Variants in DIP2A observed in about 807,000 individuals in gnomAD.
DIP2A encodes DIP2 acetate--CoA ligase A.
Under a neutral mutation model 177.4 loss-of-function variants are expected in DIP2A, and 85 were observed. The ratio of observed to expected loss-of-function variants is 0.48; its 90% CI spans 0.40 to 0.57. The LOEUF (loss-of-function observed/expected upper bound fraction) is 0.57, where lower values mean the gene tolerates loss of function less well. DIP2A is among the 20% of genes least tolerant of loss of function. DIP2A has a pLI of 0.00. For missense variants in DIP2A, 1,791 were observed against 2,100.2 expected (o/e 0.85, Z 2.88); for synonymous variants, 886 against 881.8 (o/e 1.00, Z -0.08).
chr21:46,556,183 C>T lies in DIP2A; in HGVS notation c.3498+92C>T, dbSNP rs2060461412. 2.9e-6 allele frequency: 4 copies of T among 1,395,264 alleles called. No homozygotes were observed. In the Admixed American group the frequency reaches 7.0e-5, roughly 24 times the overall value. 86.4% of individuals were successfully genotyped at this position (1,395,264 alleles called of 1,614,324 possible). ...CAGATGCAGATTTAAACTGACAGGT[C>T]CTTCTTATGCAAAGCACAAAGCAAC... On this transcript the variant is annotated intron_variant, in intron 29 of 37. Transcript: ENST00000417564. This position sits in a 1 kb window ranked among gnomAD's most constrained non-coding sequence, Gnocchi z 4.5.
intron 32 of DIP2A, chr21:46,559,246 A>G (rs969217029): frequency 2.0e-5 from 3 of 152,256 alleles, no homozygotes; most frequent in Admixed American, 2.0e-4. Flanking sequence ...TTCTTTCTAA[A>G]AACATCTTAA....
intron 1 of DIP2A, chr21:46,469,294 A>T (rs2055145985): frequency 6.6e-6 from 1 of 152,252 alleles, no homozygotes; most frequent in Admixed American, 6.5e-5. Flanking sequence ...AATCCTCTGT[A>T]AATGGATTCA....
chr21:46,580,625 T>A, the DIP2A span, among the ~76,000 whole-genome samples: 2 of 152,254 alleles, frequency 1.3e-5, no homozygotes, highest in African/African-American at 4.8e-5. Flanking sequence ...CAGGAGCTCC[T>A]GCAAGGCAGG....
chr21:46,470,587 A>G (rs2055275598), intron 1 of DIP2A, among the ~76,000 whole-genome samples: 1 of 151,972 alleles, frequency 6.6e-6, no homozygotes, highest in African/African-American at 2.4e-5. Context: ...CCTGACCAAT[A>G]TGGTGAAACC....
rs1457740751 is a variant in DIP2A at position 46,504,395 on chromosome 21, C to T, written c.690C>T (p.Gly230=). The T allele has an allele frequency of 8.1e-6, 13 of 1,613,766 alleles. No homozygotes were observed. The African/African-American group carries it at 1.6e-4, about 20-fold the overall frequency. Residue 230 remains glycine (G), a synonymous_variant, in exon 6 of 38, where the codon GGC becomes GGT. Coordinates refer to ENST00000417564, the MANE Select transcript of DIP2A (RefSeq NM_015151.4). ...LHSAPPDVTT[G]LVEHSYFERP... is the part of the protein sequence containing the mutation. The stretch of plus-strand genomic sequence containing the variant: ...CTGCCCCTCCTGATGTCACCACGGG[C>T]CTCGTGGAGCATTCGTACTTTGAGC...
intron 18 of DIP2A, among the ~76,000 whole-genome samples, chr21:46,542,786 G>A (rs746519770): frequency 6.6e-6 from 1 of 152,238 alleles, no homozygotes; most frequent in Non-Finnish European, 1.5e-5. Flanking sequence ...TGTCAGTGCA[G>A]TCTCCCCCCT....
chr21:46,554,441 AC>A, intron 26 of DIP2A, 133 bp from the exon 27 acceptor site: 1 of 1,538,320 alleles, frequency 6.5e-7, no homozygotes, highest in South Asian at 1.2e-5. Flanking sequence ...CAGCTCAGCT[AC>A]CCCTGTGGAA....
intron 1 of DIP2A, among the ~76,000 whole-genome samples, chr21:46,464,844 T>TTTTTTTTC (rs58546395): frequency 8.1e-5 from 9 of 111,232 alleles, no homozygotes; most frequent in African/African-American, 2.1e-4. Flanking sequence ...TTTTTTTTTT[T>TTTTTTTTC]CAAGAAAACA....
chr21:46,489,813 C>G (rs2839289), intron 2 of DIP2A, among the ~76,000 whole-genome samples: 126,468 of 152,256 alleles, frequency 0.83, 52,884 homozygotes, highest in African/African-American at 0.92. Flanking sequence ...AGCAAATTGG[C>G]TTCAAATGAT....
intron 9 of DIP2A, among the ~76,000 whole-genome samples, chr21:46,529,607 A>G (rs1159301892): frequency 2.7e-5 from 4 of 148,632 alleles, no homozygotes; most frequent in Non-Finnish European, 6.0e-5. Flanking sequence ...CTCAAAGAGA[A>G]AAAAAAAAAA....
chr21:46,549,415 T>C (rs1208157475), intron 21 of DIP2A, among the ~76,000 whole-genome samples: 2 of 152,182 alleles, frequency 1.3e-5, no homozygotes, highest in South Asian at 2.1e-4. Context: ...TCTAGTAAAA[T>C]AGAGATGCGA....
chr21:46,579,111 A>G, the DIP2A span, among the ~76,000 whole-genome samples: 4 of 152,050 alleles, frequency 2.6e-5, no homozygotes, highest in Non-Finnish European at 5.9e-5. Context: ...TTGGTAGGCT[A>G]TTTCTTACTG....
intron 8 of DIP2A, among the ~76,000 whole-genome samples, chr21:46,514,708 G>A (rs1308206511): frequency 2.1e-5 from 3 of 145,276 alleles, no homozygotes; most frequent in African/African-American, 7.7e-5. Context: ...TTGAAGAGTG[G>A]GCATTCTTGC....
At position 46,567,567 on chromosome 21, in the gene DIP2A, G is replaced by A. The variant is rs748063784; in HGVS notation, c.4661G>A (p.Arg1554Gln). The change falls in exon 38 of 38, where the codon CGG becomes CAG. Residue 1554 changes from arginine (R) to glutamine (Q), a missense_variant. Transcript: ENST00000417564. The part of the protein sequence containing the change: ...SRGEKQRMHL[R>Q]DGFLADQLDP... ...GGTGAGAAGCAGCGCATGCACCTGCGGGACGGCTTCCTGGCTGACCAGCTG... is the reference window on the plus strand; with the variant it reads ...GGTGAGAAGCAGCGCATGCACCTGCAGGACGGCTTCCTGGCTGACCAGCTG... 14 of 1,612,902 alleles carry A rather than the reference G, an allele frequency of 8.7e-6. No individual in the cohort carries two copies. The highest frequency in any genetic ancestry group is 5.3e-5 in the African/African-American group (4 of 74,908).
chr21:46,547,497 C>T (rs879771451), intron 21 of DIP2A, among the ~76,000 whole-genome samples: 2 of 152,104 alleles, frequency 1.3e-5, no homozygotes, highest in Non-Finnish European at 2.9e-5. Flanking sequence ...TTCTCTTGAG[C>T]AAATAATAGA....
intron 35 of DIP2A, among the ~76,000 whole-genome samples, 156 bp from the exon 36 acceptor site, chr21:46,565,557 T>G (rs941541756): frequency 1.3e-5 from 2 of 152,242 alleles, no homozygotes; most frequent in African/African-American, 4.8e-5. Flanking sequence ...GCCTGTAATT[T>G]AACTTAGTTC....
intron 1 of DIP2A, among the ~76,000 whole-genome samples, chr21:46,484,096 G>C (rs1452968474): frequency 2.0e-5 from 3 of 152,160 alleles, no homozygotes; most frequent in Non-Finnish European, 2.9e-5. Context: ...CTTGGCCTGG[G>C]ACGGCTTGTG....
chr21:46,514,617 C>CTTTTTTTTTTTTTTTTT lies in DIP2A; in HGVS notation c.1102+3010_1102+3026dup, dbSNP rs752628688. ...CCTTTCCAATACTTAAACTTTTATT[C>CTTTTTTTTTTTTTTTTT]TTTTTTTTTTTTTTTTTTTTTTTGG... On this transcript the variant is annotated intron_variant, in intron 8 of 37. Coordinates refer to ENST00000417564, the MANE Select transcript of DIP2A (RefSeq NM_015151.4). Among the ~76,000 whole-genome samples, 108 of 70,458 alleles carry CTTTTTTTTTTTTTTTTT rather than the reference C, an allele frequency of 1.5e-3. 1 individual carries two copies. The highest frequency in any genetic ancestry group is 4.1e-3 in the East Asian group (8 of 1,956). 46.2% of individuals were successfully genotyped at this position (70,458 alleles called of 152,430 possible). A position where few individuals can be genotyped will look rare whatever the true frequency, so the allele number is the denominator to read the frequency against.
chr21:46,511,132 G>A (rs1037962012), intron 7 of DIP2A, among the ~76,000 whole-genome samples: 2 of 152,016 alleles, frequency 1.3e-5, no homozygotes. Context: ...CCAGAAGTTG[G>A]GAAAGTGGGA....
Sources: gnomAD v4.1 joint callset for allele counts (sites outside exome capture counted in the v4.1 genomes callset) on GRCh38, gnomAD v4.1.1 for gene constraint, Gnocchi (gnomAD v3.1) non-coding constraint, MANE v1.5 for transcripts, NCBI Gene and HGNC (gene_info 2026-07-23, HGNC 2026-07-21) for gene names.